The following FNBP1 variants were observed in gnomAD, a reference collection of about 807,000 sequenced individuals.
The protein encoded by FNBP1 is formin-binding protein 1.
Under a neutral mutation model 90.6 loss-of-function variants are expected in FNBP1, and 26 were observed. The ratio of observed to expected loss-of-function variants is 0.29; its 90% CI spans 0.21 to 0.40. The LOEUF (loss-of-function observed/expected upper bound fraction) is 0.40. Among genes scored for constraint, FNBP1 ranks in the 10% least tolerant of loss-of-function variants. The probability of loss-of-function intolerance (pLI) is 1.00; values close to 1 mark genes in which losing one functional copy is unlikely to be tolerated. For missense variants in FNBP1, 635 were observed against 768.0 expected (o/e 0.83, Z 2.05); for synonymous variants, 260 against 265.2 (o/e 0.98, Z 0.19).
Position 129,890,989 on chromosome 9 carries a change from T to G in FNBP1, c.1847-443A>C, listed in dbSNP as rs1295690115. 6.6e-6 allele frequency among the ~76,000 whole-genome samples: 1 copy of G among 151,868 alleles called. No homozygotes were observed. The highest frequency in any genetic ancestry group is 1.5e-5 in the Non-Finnish European group (1 of 67,956). On this transcript the variant is annotated intron_variant, in intron 16 of 16. Coordinates refer to ENST00000446176, the MANE Select transcript of FNBP1 (RefSeq NM_015033.3). The surrounding 1 kb of genome is among the most constrained non-coding windows in gnomAD (Gnocchi z 5.8). ...GGCTAACATGGTGAAAACCCATCTC[T>G]ATTAAAAATACAACAATTAGCCTGG...
chr9:129,926,813 G>A (rs1364675063), intron 8 of FNBP1, among the ~76,000 whole-genome samples: 3 of 151,686 alleles, frequency 2.0e-5, no homozygotes, highest in African/African-American at 4.8e-5. Flanking sequence ...TTGAACCCGG[G>A]AGGTGGAGGT....
At chr9:129,953,494 A>AAAAT (rs553611368) in intron 6 of FNBP1, among the ~76,000 whole-genome samples, 2,091 of 152,044 alleles carry the variant, frequency 0.014, 55 homozygotes, top group Admixed American at 0.061. Flanking sequence ...CGTCTCAGAA[A>AAAAT]AAATAAATAA....
chr9:129,932,394 A>G (rs905406917), intron 6 of FNBP1, among the ~76,000 whole-genome samples: 8 of 152,024 alleles, frequency 5.3e-5, no homozygotes, highest in East Asian at 1.9e-4. Flanking sequence ...TTTCATGTCA[A>G]TCTTCTTTAT....
At chr9:129,944,492 G>A (rs919180840) in intron 6 of FNBP1, among the ~76,000 whole-genome samples, 1 of 147,312 alleles carries the variant, frequency 6.8e-6, no homozygotes, top group African/African-American at 2.5e-5. Context: ...AGTGAGCCGA[G>A]ATCATGCCCC....
At chr9:130,035,974 A>G (rs2059275479) in intron 1 of FNBP1, among the ~76,000 whole-genome samples, 1 of 151,330 alleles carries the variant, frequency 6.6e-6, no homozygotes, top group South Asian at 2.1e-4. Context: ...AAACTTACAT[A>G]CCCCCAAATT....
In FNBP1 at chr9:129,888,004, T is replaced by C. The variant is rs146686847; in HGVS notation, c.*2535A>G. The C allele has an allele frequency of 4.5e-4, 105 of 232,754 alleles. No homozygotes were observed. In the East Asian group the frequency reaches 6.4e-3, roughly 14 times the overall value. 14.4% of individuals were successfully genotyped at this position (232,754 alleles called of 1,614,324 possible). On this transcript the variant is annotated 3_prime_UTR_variant, in exon 17 of 17. Transcript: ENST00000446176. ...CCCGGCTGGGGCAGCAGTGAGCTTT[T>C]CATGGAGCCACGCAGACTGGCCCGG...
At chr9:129,988,664 G>C (rs1412147365) in intron 2 of FNBP1, among the ~76,000 whole-genome samples, 3 of 152,056 alleles carry the variant, frequency 2.0e-5, no homozygotes, top group Admixed American at 1.3e-4. Context: ...GTGACAGAGC[G>C]AGACTCCATC....
rs1554766989 is a variant in FNBP1 at position 129,905,312 on chromosome 9, A to ATT, written c.1296-2313_1296-2312dup. The stretch of plus-strand genomic sequence containing the variant: ...TGTGTGTGTATATATATATATATAT[A>ATT]TTTTGTTAATTATTTTTGAGATAGG... On this transcript the variant is annotated intron_variant, in intron 12 of 16. Coordinates refer to ENST00000446176, the MANE Select transcript of FNBP1 (RefSeq NM_015033.3). Among the ~76,000 whole-genome samples the ATT allele has an allele frequency of 2.8e-3, 409 of 146,408 alleles. 7 individuals carry two copies. Among genetic ancestry groups the ATT allele is most frequent in the African/African-American group, 9.2e-3 (362 of 39,374 alleles).
chr9:129,966,411 G>A lies in FNBP1; in HGVS notation c.346-7858C>T, dbSNP rs567727467. On this transcript the variant is annotated intron_variant, in intron 4 of 16. Coordinates refer to ENST00000446176, the MANE Select transcript of FNBP1 (RefSeq NM_015033.3). The surrounding 1 kb of genome is among the most constrained non-coding windows in gnomAD (Gnocchi z 4.3). ...GACCATGGACAGCCTCACCAGCCACGGTAAGCATGTTGGAAGATTTAAGAA... is the reference window on the plus strand; with the variant it reads ...GACCATGGACAGCCTCACCAGCCACAGTAAGCATGTTGGAAGATTTAAGAA... Among the ~76,000 whole-genome samples, 8 of 152,220 alleles carry A rather than the reference G, an allele frequency of 5.3e-5. No homozygotes were observed. The highest frequency in any genetic ancestry group is 1.9e-4 in the East Asian group (1 of 5,178).
chr9:129,969,213 AATCT>A (rs1050760184), intron 4 of FNBP1, among the ~76,000 whole-genome samples: 2 of 152,210 alleles, frequency 1.3e-5, no homozygotes, highest in African/African-American at 2.4e-5. Flanking sequence ...GACATTTGGA[AATCT>A]ATCTATAAGT....
At chr9:129,947,305 T>C (rs536813747) in intron 6 of FNBP1, among the ~76,000 whole-genome samples, 84 of 151,878 alleles carry the variant, frequency 5.5e-4, no homozygotes, top group African/African-American at 2.0e-3. Flanking sequence ...CCGGGTGTGG[T>C]GGCAGGCGCC....
chr9:129,901,361 ACT>A (rs369418371), intron 13 of FNBP1, among the ~76,000 whole-genome samples: 265 of 151,822 alleles, frequency 1.7e-3, no homozygotes, highest in African/African-American at 6.3e-3. Context: ...ACATGGTGAA[ACT>A]CCATCTCCAT....
At chr9:130,015,755 A>G (rs1183490039) in intron 1 of FNBP1, among the ~76,000 whole-genome samples, 1 of 152,134 alleles carries the variant, frequency 6.6e-6, no homozygotes, top group East Asian at 1.9e-4. Context: ...GCTCGCTGTA[A>G]CCTCAACCTC....
intron 15 of FNBP1, among the ~76,000 whole-genome samples, chr9:129,897,365 C>T (rs538436567): frequency 5.3e-5 from 8 of 152,090 alleles, no homozygotes; most frequent in East Asian, 1.9e-4. Flanking sequence ...CAACAGGGTA[C>T]GGTGGGGGAT....
chr9:129,950,183 A>T (rs2045959898), intron 6 of FNBP1, among the ~76,000 whole-genome samples: 1 of 152,228 alleles, frequency 6.6e-6, no homozygotes, highest in East Asian at 1.9e-4. Flanking sequence ...TAAAAAACTG[A>T]CAGAACAGTC....
In FNBP1 at chr9:129,888,850, T is replaced by C. The variant is rs1203460770; in HGVS notation, c.*1689A>G. ...CCTTGGGACCTGTCCTTTCCGTCCC[T>C]GTCCCTTTGGCTTCTATAGGACTTC... is the stretch of plus-strand genomic sequence containing the variant. On this transcript the variant is annotated 3_prime_UTR_variant, in exon 17 of 17. Coordinates refer to ENST00000446176, the MANE Select transcript of FNBP1 (RefSeq NM_015033.3). 4.3e-6 allele frequency: 1 copy of C among 232,338 alleles called. No individual in the cohort carries two copies. The highest frequency in any genetic ancestry group is 8.5e-6 in the Non-Finnish European group (1 of 117,530). The allele number at this position is 232,338 out of a possible 1,614,324, so 14.4% of individuals were successfully genotyped here.
intron 4 of FNBP1, among the ~76,000 whole-genome samples, chr9:129,971,145 C>T (rs2049392829): frequency 6.6e-6 from 1 of 152,012 alleles, no homozygotes; most frequent in South Asian, 2.1e-4. Context: ...CCCACCTCCG[C>T]CTCCCAAAGT....
intron 8 of FNBP1, among the ~76,000 whole-genome samples, chr9:129,925,589 C>CTTTTTTTTT (rs576015094): frequency 1.5e-4 from 10 of 67,124 alleles, no homozygotes; most frequent in South Asian, 7.5e-4. Flanking sequence ...TTCCTAGTAG[C>CTTTTTTTTT]TTTTTTTTTT....
chr9:130,018,616 T>C (rs1290559743), intron 1 of FNBP1, among the ~76,000 whole-genome samples: 1 of 152,042 alleles, frequency 6.6e-6, no homozygotes, highest in Non-Finnish European at 1.5e-5. Context: ...CAGGCTGGAG[T>C]GCACTGGTGC....
Sources: allele counts gnomAD v4.1 joint callset (sites outside exome capture counted in the v4.1 genomes callset), GRCh38; gene constraint gnomAD v4.1.1; non-coding constraint Gnocchi (gnomAD v3.1); transcripts MANE v1.5; gene names NCBI Gene and HGNC (gene_info 2026-07-23, HGNC 2026-07-21).